Variants in DENND2B observed in about 807,000 individuals in gnomAD.
DENND2B encodes the protein DENN domain containing 2B.
Under a neutral mutation model 116.0 loss-of-function variants are expected in DENND2B, and 32 were observed. That is an observed-to-expected ratio of 0.28 (90% CI 0.21 to 0.37). DENND2B has a LOEUF of 0.37. Among genes scored for constraint, DENND2B ranks in the 10% least tolerant of loss-of-function variants. The pLI, the probability that DENND2B is intolerant of heterozygous loss-of-function variation, is 1.00. For missense variants in DENND2B, 1,276 were observed against 1,477.7 expected, an observed-to-expected ratio of 0.86 and a Z score of 2.24; for synonymous variants, 588 against 583.9, an observed-to-expected ratio of 1.01 and a Z score of -0.10.
intron 1 of DENND2B, among the ~76,000 whole-genome samples, chr11:8,804,704 C>T (rs751823766): frequency 1.6e-4 from 24 of 151,970 alleles, no homozygotes; most frequent in Admixed American, 5.9e-4. Context: ...ACCACTATGC[C>T]CGGCCAGTTT....
rs374911224 is a variant in DENND2B at position 8,859,603 on chromosome 11, C to T, written c.-249-2167G>A. On this transcript the variant is annotated intron_variant, in intron 2 of 6. Coordinates refer to the DENND2B transcript ENST00000524757. ...GATTACAGGCGTGAGCCACCGCGCCCGGCCACGTGTTTTGCAAATACTCAT... is the reference window on the plus strand; with the variant it reads ...GATTACAGGCGTGAGCCACCGCGCCTGGCCACGTGTTTTGCAAATACTCAT... Among the ~76,000 whole-genome samples the T allele has an allele frequency of 4.6e-5, 7 of 152,306 alleles. No homozygotes were observed. The East Asian group carries it at 9.6e-4, about 21-fold the overall frequency.
At chr11:8,769,913 C>T (rs557697084) in intron 1 of DENND2B, among the ~76,000 whole-genome samples, 1 of 152,288 alleles carries the variant, frequency 6.6e-6, no homozygotes, top group South Asian at 2.1e-4. Context: ...GGCAGATCAC[C>T]TGAACCCAGG....
At chr11:8,757,647 G>A (rs1353905265) in intron 1 of DENND2B, among the ~76,000 whole-genome samples, 1 of 152,186 alleles carries the variant, frequency 6.6e-6, no homozygotes, top group Non-Finnish European at 1.5e-5. Flanking sequence ...CACTTCATGT[G>A]TATTAAGTCA....
intron 1 of DENND2B, among the ~76,000 whole-genome samples, chr11:8,797,033 G>A (rs1161700033): frequency 2.6e-5 from 4 of 152,156 alleles, no homozygotes; most frequent in African/African-American, 9.7e-5. Context: ...CTCATTAGAT[G>A]TTCTAGATAA....
At chr11:8,844,000 C>T (rs2062716837) in intron 3 of DENND2B, among the ~76,000 whole-genome samples, 2 of 152,196 alleles carry the variant, frequency 1.3e-5, no homozygotes, top group African/African-American at 4.8e-5. Context: ...CTTATGTGCC[C>T]TAAAAGAATG....
chr11:8,788,015 T>C (rs1365384801), intron 1 of DENND2B, among the ~76,000 whole-genome samples: 1 of 152,088 alleles, frequency 6.6e-6, no homozygotes, highest in Non-Finnish European at 1.5e-5. Context: ...AAGGGGTCAC[T>C]CTACCTTTAG....
chr11:8,753,163 G>T (rs2052859692), intron 1 of DENND2B, among the ~76,000 whole-genome samples: 1 of 152,076 alleles, frequency 6.6e-6, no homozygotes, highest in Non-Finnish European at 1.5e-5. Context: ...CTTGAACCTG[G>T]GAGGCAGAGG....
At chr11:8,894,747 C>T (rs569432081) in intron 1 of DENND2B, among the ~76,000 whole-genome samples, 1 of 152,162 alleles carries the variant, frequency 6.6e-6, no homozygotes, top group South Asian at 2.1e-4. Flanking sequence ...AGTCAGGAAA[C>T]AACAGGTGCT....
chr11:8,843,952 A>G (rs1344214101), intron 3 of DENND2B, among the ~76,000 whole-genome samples: 3 of 152,170 alleles, frequency 2.0e-5, no homozygotes, highest in Non-Finnish European at 4.4e-5. Flanking sequence ...CCTCTGGTCA[A>G]ACATCTGTAT....
rs1271646908 is a variant in DENND2B, at chr11:8,761,002, C to T, written c.-25-10277G>A. 2.0e-5 allele frequency among the ~76,000 whole-genome samples: 3 copies of T among 146,792 alleles called. No homozygotes were observed. In the East Asian group the frequency reaches 5.9e-4, roughly 29 times the overall value. On this transcript the variant is annotated intron_variant, in intron 1 of 19. Coordinates refer to ENST00000313726, the MANE Select transcript of DENND2B (RefSeq NM_213618.2). Reference sequence around the variant, plus strand: ...CTTCACTGTCCACTTATCATTCCCACATCCTCCTTCCCAACCCTCCTCCTC... The same window carrying T: ...CTTCACTGTCCACTTATCATTCCCATATCCTCCTTCCCAACCCTCCTCCTC...
intron 2 of DENND2B, among the ~76,000 whole-genome samples, chr11:8,744,898 A>G (rs2050953030): frequency 6.6e-6 from 1 of 151,088 alleles, no homozygotes; most frequent in South Asian, 2.1e-4. Context: ...CCTGCGCCCC[A>G]AAAGTCTCAT....
chr11:8,753,722 A>G (rs2053013129), intron 1 of DENND2B, among the ~76,000 whole-genome samples: 1 of 152,206 alleles, frequency 6.6e-6, no homozygotes, highest in African/African-American at 2.4e-5. Context: ...AGATCAACAC[A>G]ACAGAATCCA....
intron 2 of DENND2B, among the ~76,000 whole-genome samples, chr11:8,749,992 T>C (rs2052058208): frequency 6.6e-6 from 1 of 152,258 alleles, no homozygotes; most frequent in East Asian, 1.9e-4. Flanking sequence ...AGTAGCTTTA[T>C]GTCAGCCATA....
chr11:8,843,734 C>T (rs963749751), intron 3 of DENND2B, among the ~76,000 whole-genome samples: 1 of 152,182 alleles, frequency 6.6e-6, no homozygotes, highest in Non-Finnish European at 1.5e-5. Context: ...TCATGCCACC[C>T]CTGTGCTTTC....
chr11:8,846,162 T>C (rs2062805588), intron 3 of DENND2B, among the ~76,000 whole-genome samples: 1 of 152,214 alleles, frequency 6.6e-6, no homozygotes. Flanking sequence ...AGTGTACTGC[T>C]GAGGCTTGTT....
intron 4 of DENND2B, among the ~76,000 whole-genome samples, chr11:8,720,089 C>T (rs922636733): frequency 1.4e-4 from 21 of 151,740 alleles, no homozygotes; most frequent in Admixed American, 1.1e-3. Flanking sequence ...CTCTCTGGGA[C>T]GGACAGAGGG....
chr11:8,853,195 C>T (rs1240899387), intron 3 of DENND2B, among the ~76,000 whole-genome samples: 2 of 151,950 alleles, frequency 1.3e-5, no homozygotes, highest in African/African-American at 4.8e-5. Context: ...AAACCCCGTC[C>T]CTACTAAAAA....
At chr11:8,773,592 C>G (rs908277454) in intron 1 of DENND2B, among the ~76,000 whole-genome samples, 1 of 152,176 alleles carries the variant, frequency 6.6e-6, no homozygotes, top group African/African-American at 2.4e-5. Flanking sequence ...GCATTTGACT[C>G]TGAAACTAGA....
intron 14 of DENND2B, chr11:8,699,917 A>C: frequency 2.2e-6 from 1 of 456,230 alleles, no homozygotes; most frequent in Non-Finnish European, 4.4e-6. Context: ...CTTTTCCAAG[A>C]CCCCAGATTG....
Sources: gnomAD v4.1 joint callset for allele counts (sites outside exome capture counted in the v4.1 genomes callset) on GRCh38, gnomAD v4.1.1 for gene constraint, MANE v1.5 for transcripts, NCBI Gene and HGNC (gene_info 2026-07-23, HGNC 2026-07-21) for gene names.